TMEM171: variants seen among roughly 807,000 people sequenced by gnomAD.
TMEM171 encodes the protein transmembrane protein 171.
Under a neutral mutation model 19.1 loss-of-function variants are expected in TMEM171, and 16 were observed. The ratio of observed to expected loss-of-function variants is 0.84; its 90% CI spans 0.57 to 1.27. TMEM171 has a LOEUF of 1.27. Among genes scored for constraint, TMEM171 ranks in the 50% most tolerant of loss-of-function variants. The pLI is 0.00. For missense variants in TMEM171, 429 were observed against 412.7 expected, an observed-to-expected ratio of 1.04 and a Z score of -0.34; for synonymous variants, 153 against 163.4, an observed-to-expected ratio of 0.94 and a Z score of 0.48.
In TMEM171 at chr5:73,131,122, G is replaced by C. The variant is rs548597210; in HGVS notation, c.783-416G>C. 3.3e-4 allele frequency among the ~76,000 whole-genome samples: 51 copies of C among 152,260 alleles called. 2 individuals are homozygous for C. The highest frequency in any genetic ancestry group is 1.2e-3 in the African/African-American group (49 of 41,556). On this transcript the variant is annotated intron_variant, in intron 3 of 3. Transcript: ENST00000454765. ...ACTCCATTAGCCAATATGCCTTCCTGCCGTCCTTCAGGTTTGTGGCTTAAT... is the reference window on the plus strand; with the variant it reads ...ACTCCATTAGCCAATATGCCTTCCTCCCGTCCTTCAGGTTTGTGGCTTAAT...
At chr5:73,124,181 T>C (rs1200806399) in intron 2 of TMEM171, among the ~76,000 whole-genome samples, 168 bp downstream of exon 2, 2 of 152,236 alleles carry the variant, frequency 1.3e-5, no homozygotes, top group African/African-American at 4.8e-5. Context: ...ACAATGGTGC[T>C]GCTGTGGGAA....
intron 2 of TMEM171, among the ~76,000 whole-genome samples, chr5:73,127,384 A>AAAAAAAAAT: frequency 3.2e-4 from 26 of 81,680 alleles, no homozygotes; most frequent in African/African-American, 1.7e-3. Context: ...AAAAAAAAAA[A>AAAAAAAAAT]ATATATATAT....
intron 3 of TMEM171, among the ~76,000 whole-genome samples, chr5:73,130,122 G>A (rs1744293380): frequency 1.3e-5 from 2 of 152,200 alleles, no homozygotes; most frequent in Non-Finnish European, 2.9e-5. Flanking sequence ...GCGGCTGATG[G>A]TGGCGGTACA....
intron 1 of TMEM171, among the ~76,000 whole-genome samples, chr5:73,121,260 C>G (rs372400862): frequency 3.3e-5 from 5 of 152,250 alleles, no homozygotes; most frequent in African/African-American, 1.2e-4. Context: ...ACAGTTGAAG[C>G]CTTGTGACTC....
chr5:73,131,808 C>G lies in TMEM171; in HGVS notation c.*78C>G, dbSNP rs1744369760. On this transcript the variant is annotated 3_prime_UTR_variant, in exon 4 of 4. Coordinates refer to ENST00000454765, the MANE Select transcript of TMEM171 (RefSeq NM_173490.8). ...TTTTTTTAAATAAAAAATACAATAGCATTGGCTATATTCTGACTTTCCTGC... is the reference window on the plus strand; with the variant it reads ...TTTTTTTAAATAAAAAATACAATAGGATTGGCTATATTCTGACTTTCCTGC... The G allele has an allele frequency of 7.4e-7, 1 of 1,342,658 alleles. No individual in the cohort carries two copies. The highest frequency in any genetic ancestry group is 1.0e-6 in the Non-Finnish European group (1 of 1,001,436). The allele number at this position is 1,342,658 out of a possible 1,614,324, so 83.2% of individuals were successfully genotyped here. A position where few individuals can be genotyped will look rare whatever the true frequency, so the allele number is the denominator to read the frequency against.
intron 1 of TMEM171, among the ~76,000 whole-genome samples, chr5:73,122,022 G>A (rs1561510785): frequency 6.6e-6 from 1 of 152,170 alleles, no homozygotes; most frequent in African/African-American, 2.4e-5. Flanking sequence ...GTGTAAGCTA[G>A]ACAACTCTTT....
In TMEM171 at chr5:73,127,369, T is replaced by TAAAAAAA. The variant is rs150651292; in HGVS notation, c.641-1011_641-1005dup. ...AGGCCTACTTTTAAAAAATTTGTGGTAAAAAAAAAAAAAAAATATATATAT... is the reference window on the plus strand; with the variant it reads ...AGGCCTACTTTTAAAAAATTTGTGGTAAAAAAAAAAAAAAAAAAAAAAATATATATAT... On this transcript the variant is annotated intron_variant, in intron 2 of 3. Transcript: ENST00000454765. Among the ~76,000 whole-genome samples the TAAAAAAA allele has an allele frequency of 4.1e-3, 400 of 97,126 alleles. 15 individuals carry two copies. The highest frequency in any genetic ancestry group is 0.019 in the African/African-American group (363 of 19,198). The allele number at this position is 97,126 out of a possible 152,430, so 63.7% of individuals were successfully genotyped here. A position where few individuals can be genotyped will look rare whatever the true frequency, so the allele number is the denominator to read the frequency against.
Position 73,123,787 on chromosome 5 carries a change from C to T in TMEM171, c.414C>T (p.Ser138=). Residue 138 remains serine (S), a synonymous_variant, in exon 2 of 4, where the codon TCC becomes TCT. Coordinates refer to ENST00000454765, the MANE Select transcript of TMEM171 (RefSeq NM_173490.8). The stretch of plus-strand genomic sequence containing the variant: ...GCATTTGGGTCCCTGGATGTGGCTC[C>T]AACTGGGCGCAGGAACCGCTAAACG... The part of the protein sequence containing the change: ...VLGIWVPGCG[S]NWAQEPLNET... 5 of 1,613,138 alleles carry T rather than the reference C, an allele frequency of 3.1e-6. No homozygotes were observed. Among genetic ancestry groups the T allele is most frequent in the Non-Finnish European group, 4.2e-6 (5 of 1,179,268 alleles).
In TMEM171 at chr5:73,131,781, AT is replaced by A. The variant is rs749929575; in HGVS notation, c.*59del. 1.7e-4 allele frequency: 248 copies of A among 1,441,814 alleles called. No individual in the cohort carries two copies. The highest frequency in any genetic ancestry group is 2.2e-4 in the Middle Eastern group (1 of 4,590). The allele number at this position is 1,441,814 out of a possible 1,614,324, so 89.3% of individuals were successfully genotyped here. A position where few individuals can be genotyped will look rare whatever the true frequency, so the allele number is the denominator to read the frequency against. On this transcript the variant is annotated 3_prime_UTR_variant, in exon 4 of 4. Transcript: ENST00000454765. ...ATGCAATGGATCACTATTTTATTTA[AT>A]TTTTTTTAAATAAAAAATACAATAG... is the stretch of plus-strand genomic sequence containing the variant.
At position 73,128,266 on chromosome 5, in the gene TMEM171, G is replaced by A; in HGVS notation, c.641-124G>A. 6 of 1,111,528 alleles carry A rather than the reference G, an allele frequency of 5.4e-6. No individual in the cohort carries two copies. In the South Asian group the frequency reaches 7.7e-5, roughly 14 times the overall value. 68.9% of individuals were successfully genotyped at this position (1,111,528 alleles called of 1,614,324 possible). A position where few individuals can be genotyped will look rare whatever the true frequency, so the allele number is the denominator to read the frequency against. ...TTTAATGGGCTTACTTTTAAATTTT[G>A]GAGTTAGCAGCAGGTGTGTTGACCT... is the stretch of plus-strand genomic sequence containing the variant. On this transcript the variant is annotated intron_variant, in intron 2 of 3. Transcript: ENST00000454765.
At position 73,127,408 on chromosome 5, in the gene TMEM171, A is replaced by ATATATGT. The variant is rs1561513446; in HGVS notation, c.641-982_641-981insTATATGT. Among the ~76,000 whole-genome samples the ATATATGT allele has an allele frequency of 1.1e-3, 120 of 105,944 alleles. 1 individual carries two copies. The highest frequency in any genetic ancestry group is 5.9e-3 in the African/African-American group (114 of 19,484). 69.5% of individuals were successfully genotyped at this position (105,944 alleles called of 152,430 possible). On this transcript the variant is annotated intron_variant, in intron 2 of 3. Coordinates refer to ENST00000454765, the MANE Select transcript of TMEM171 (RefSeq NM_173490.8). ...AAATATATATATATATATATATATA[A>ATATATGT]AGCATAAACAATTTAAACTGCTTTT...
chr5:73,131,633 C>G lies in TMEM171; in HGVS notation c.878C>G (p.Thr293Ser). The change falls in exon 4 of 4, where the codon ACT (threonine) becomes AGT (serine). Residue 293 changes from threonine (T) to serine (S), a missense_variant. By Grantham distance (58) the Thr-to-Ser change is moderately conservative. Coordinates refer to ENST00000454765, the MANE Select transcript of TMEM171 (RefSeq NM_173490.8). Reference protein sequence around the residue: ...GTNSSSEASHTPHLPSELPPR... With the variant: ...GTNSSSEASHSPHLPSELPPR... ...AATTCATCTTCTGAGGCCTCACACA[C>G]TCCACATCTTCCATCTGAATTGCCT... 6.2e-7 allele frequency: 1 copy of G among 1,613,994 alleles called. No individual in the cohort carries two copies. The highest frequency in any genetic ancestry group is 1.7e-5 in the Admixed American group (1 of 60,000).
chr5:73,127,585 T>C (rs1235399061), intron 2 of TMEM171, among the ~76,000 whole-genome samples: 1 of 150,902 alleles, frequency 6.6e-6, no homozygotes, highest in Admixed American at 6.6e-5. Context: ...TACAGGCGCC[T>C]GCCACCACGC....
At position 73,123,637 on chromosome 5, in the gene TMEM171, G is replaced by A. The variant is rs778930609; in HGVS notation, c.264G>A (p.Gly88=). Residue 88 remains glycine, a synonymous_variant, in exon 2 of 4, where the codon GGG becomes GGA. Coordinates refer to ENST00000454765, the MANE Select transcript of TMEM171 (RefSeq NM_173490.8). ...RSRAQLQLRA[G]LQRGQQMDPD... The stretch of plus-strand genomic sequence containing the variant: ...GGGCGCAACTTCAGCTCCGTGCAGG[G>A]CTGCAGAGAGGTCAGCAGATGGACC... 3 of 1,614,228 alleles carry A rather than the reference G, an allele frequency of 1.9e-6. No individual in the cohort carries two copies. Among genetic ancestry groups the A allele is most frequent in the Non-Finnish European group, 2.5e-6 (3 of 1,180,034 alleles).
intron 2 of TMEM171, among the ~76,000 whole-genome samples, chr5:73,127,805 A>G (rs980679146): frequency 2.6e-5 from 4 of 151,524 alleles, no homozygotes; most frequent in Admixed American, 2.0e-4. Flanking sequence ...CAGTGGTACA[A>G]TCATAGTTCA....
At chr5:73,124,067 G>T (rs1416516338) in intron 2 of TMEM171, 54 bp downstream of exon 2, 2 of 1,414,536 alleles carry the variant, frequency 1.4e-6, no homozygotes, top group Non-Finnish European at 1.9e-6. Flanking sequence ...TTGCAGCAGG[G>T]TTTCACCAGC....
At chr5:73,124,705 T>C (rs1580234895) in intron 2 of TMEM171, among the ~76,000 whole-genome samples, 1 of 152,184 alleles carries the variant, frequency 6.6e-6, no homozygotes, top group Admixed American at 6.5e-5. Flanking sequence ...AGATGGAATA[T>C]GACAGCACCT....
At chr5:73,124,787 C>T (rs1212593571) in intron 2 of TMEM171, among the ~76,000 whole-genome samples, 1 of 152,304 alleles carries the variant, frequency 6.6e-6, no homozygotes, top group Admixed American at 6.5e-5. Flanking sequence ...GTGCCATTTC[C>T]CAGAGCCTGC....
rs148099621 is a variant in TMEM171 at position 73,123,424 on chromosome 5, C to T, written c.51C>T (p.His17=). ...CAGATGGGGACCAGCAGGACAGACA[C>T]GTCAGCAAACTCATCTTCTGCTTCT... ...AEPDGDQQDR[H]VSKLIFCFFV... is the part of the protein sequence containing the mutation. Residue 17 remains histidine, a synonymous_variant, in exon 2 of 4, where the codon CAC becomes CAT. Transcript: ENST00000454765. The T allele has an allele frequency of 1.9e-5, 31 of 1,614,058 alleles. No homozygotes were observed. Among genetic ancestry groups the T allele is most frequent in the South Asian group, 1.9e-4 (17 of 91,076 alleles).
Sources: gnomAD v4.1 joint callset for allele counts (sites outside exome capture counted in the v4.1 genomes callset) on GRCh38, gnomAD v4.1.1 for gene constraint, MANE v1.5 for transcripts, NCBI Gene and HGNC (gene_info 2026-07-23, HGNC 2026-07-21) for gene names.